RFX7: variants seen among roughly 807,000 people sequenced by gnomAD.
RFX7 encodes the protein regulatory factor X7.
In RFX7, 26 loss-of-function variants were observed where a neutral mutation model predicts 111.8. That is an observed-to-expected ratio of 0.23 (90% CI 0.17 to 0.32). The LOEUF is 0.32. Ranked by LOEUF, RFX7 falls within the 10% of genes least tolerant of loss-of-function variation. The probability of loss-of-function intolerance (pLI) is 1.00; values close to 1 mark genes in which losing one functional copy is unlikely to be tolerated. For synonymous variants in RFX7, 624 were observed against 624.4 expected (o/e 1.00, Z 0.01); for missense variants, 1,573 against 1,772.9 (o/e 0.89, Z 2.02).
At chr15:56,190,823 G>C (rs1299935309) in intron 2 of RFX7, among the ~76,000 whole-genome samples, 3 of 152,158 alleles carry the variant, frequency 2.0e-5, no homozygotes, top group Admixed American at 1.3e-4. Context: ...GGAAAAAAGG[G>C]GGTGAAACCC....
intron 3 of RFX7, among the ~76,000 whole-genome samples, chr15:56,155,295 C>T (rs1180121924): frequency 6.6e-6 from 1 of 151,984 alleles, no homozygotes; most frequent in East Asian, 1.9e-4. Flanking sequence ...AATCATTCTA[C>T]AATAAAGGCA....
intron 3 of RFX7, among the ~76,000 whole-genome samples, chr15:56,165,556 A>G (rs1218789122): frequency 6.6e-6 from 1 of 152,176 alleles, no homozygotes; most frequent in South Asian, 2.1e-4. Flanking sequence ...CTACCCTAGT[A>G]GAGCTGACTT....
chr15:56,202,813 A>G (rs1484000679), intron 2 of RFX7, among the ~76,000 whole-genome samples: 1 of 152,176 alleles, frequency 6.6e-6, no homozygotes, highest in African/African-American at 2.4e-5. Flanking sequence ...CCTTGTCTCT[A>G]AAAAAGAAAA....
chr15:56,180,143 A>G (rs2042953548), intron 2 of RFX7, among the ~76,000 whole-genome samples: 1 of 152,234 alleles, frequency 6.6e-6, no homozygotes, highest in Non-Finnish European at 1.5e-5. Context: ...AAAGTTATAA[A>G]GCCAAATATA....
chr15:56,208,019 T>C (rs2043272845), intron 2 of RFX7, among the ~76,000 whole-genome samples: 1 of 152,178 alleles, frequency 6.6e-6, no homozygotes, highest in Non-Finnish European at 1.5e-5. Flanking sequence ...AAGTCTGAGA[T>C]AAACTCCAGG....
Position 56,089,456 on chromosome 15 carries a change from A to G in RFX7, c.*3889T>C, listed in dbSNP as rs144307826. The G allele has an allele frequency of 1.3e-4, 20 of 152,504 alleles. No homozygotes were observed. The East Asian group carries it at 2.9e-3, about 22-fold the overall frequency. The allele number at this position is 152,504 out of a possible 1,614,324, so 9.4% of individuals were successfully genotyped here. On this transcript the variant is annotated 3_prime_UTR_variant, in exon 10 of 10. Transcript: ENST00000559447. ...CTATCTCCACTATTATTAAGCTAAA[A>G]GTAAGTGTCCTTATGGTTTAAGCCA...
intron 3 of RFX7, among the ~76,000 whole-genome samples, chr15:56,160,554 C>T (rs536572281): frequency 2.9e-4 from 44 of 152,006 alleles, no homozygotes; most frequent in African/African-American, 1.1e-3. Flanking sequence ...ACTAATTTTT[C>T]CCCCCTCAAG....
rs16976737 is a variant in RFX7 at position 56,091,600 on chromosome 15, C to G, written c.*1745G>C. On this transcript the variant is annotated 3_prime_UTR_variant, in exon 10 of 10. Transcript: ENST00000559447. ...CCATCATTTGTCAGGAGAAATCACA[C>G]AGTTTCCTTTGGGTATTGCATACTT... The G allele has an allele frequency of 0.064, 9,728 of 152,332 alleles. 418 individuals are homozygous for G. Among genetic ancestry groups the G allele is most frequent in the Admixed American group, 0.1 (1,594 of 15,270 alleles). 9.4% of individuals were successfully genotyped at this position (152,332 alleles called of 1,614,324 possible).
intron 2 of RFX7, among the ~76,000 whole-genome samples, chr15:56,182,178 T>C (rs2042981764): frequency 6.6e-6 from 1 of 152,164 alleles, no homozygotes; most frequent in African/African-American, 2.4e-5. Context: ...GTACTATAAA[T>C]GTAATGAGCT....
At chr15:56,174,229 G>A (rs2141117669) in intron 3 of RFX7, among the ~76,000 whole-genome samples, 2 of 152,218 alleles carry the variant, frequency 1.3e-5, no homozygotes, top group South Asian at 4.2e-4. Flanking sequence ...AGTGAGCTGA[G>A]ATTGTGCCAC....
At chr15:56,215,873 C>T (rs2043358585) in intron 2 of RFX7, among the ~76,000 whole-genome samples, 1 of 152,172 alleles carries the variant, frequency 6.6e-6, no homozygotes, top group Non-Finnish European at 1.5e-5. Flanking sequence ...AGGATATCAG[C>T]AGGAGCTGCA....
In RFX7 at chr15:56,095,349, A is replaced by C. The variant is rs2041658859; in HGVS notation, c.2379T>G (p.Ser793=). The change falls in exon 10 of 10, where the codon TCT becomes TCG. Residue 793 remains serine, a synonymous_variant. Coordinates refer to ENST00000559447, the MANE Select transcript of RFX7 (RefSeq NM_022841.7). ...QQITKDSEFI[S]ASCEQQQDIS... Reference sequence around the variant, plus strand: ...TATCTTGCTGTTGTTCACAACTGGCAGATATAAACTCAGAATCTTTAGTGA... The same window carrying C: ...TATCTTGCTGTTGTTCACAACTGGCCGATATAAACTCAGAATCTTTAGTGA... 6.2e-7 allele frequency: 1 copy of C among 1,613,940 alleles called. No homozygotes were observed.
chr15:56,147,828 C>T (rs931667152), intron 3 of RFX7, among the ~76,000 whole-genome samples: 4 of 152,240 alleles, frequency 2.6e-5, no homozygotes, highest in Non-Finnish European at 5.9e-5. Context: ...CTGCCTTGGC[C>T]TCCCAAAGTG....
intron 5 of RFX7, among the ~76,000 whole-genome samples, chr15:56,130,633 G>A (rs2042199487): frequency 6.6e-6 from 1 of 151,338 alleles, no homozygotes; most frequent in Non-Finnish European, 1.5e-5. Context: ...CATTTAAAGA[G>A]TAAGAAAAAA....
At chr15:56,165,290 T>G (rs1417666532) in intron 3 of RFX7, among the ~76,000 whole-genome samples, 1 of 152,178 alleles carries the variant, frequency 6.6e-6, no homozygotes, top group Non-Finnish European at 1.5e-5. Flanking sequence ...GTTTAAAACT[T>G]AAAATATACC....
rs758223974 is a variant in RFX7, at chr15:56,243,224, G to A, written c.62C>T (p.Pro21Leu). The change falls in exon 2 of 10, where the codon CCC (proline) becomes CTC (leucine). Residue 21 changes from proline to leucine, a missense_variant. Transcript: ENST00000559447. ...QQPDAHQQLP[P>L]SAPNSGVALP... Reference sequence around the variant, plus strand: ...GGCCACCCCCGAGTTGGGGGCGCTGGGGGGAAGCTGCTGATGGGCATCAGG... The same window carrying A: ...GGCCACCCCCGAGTTGGGGGCGCTGAGGGGAAGCTGCTGATGGGCATCAGG... 2.3e-6 allele frequency: 3 copies of A among 1,329,462 alleles called. No individual in the cohort carries two copies. The highest frequency in any genetic ancestry group is 3.0e-6 in the Non-Finnish European group (3 of 1,003,318). 82.4% of individuals were successfully genotyped at this position (1,329,462 alleles called of 1,614,324 possible).
chr15:56,243,075 G>T, intron 2 of RFX7, 50 bp downstream of exon 2: 4 of 1,050,548 alleles, frequency 3.8e-6, no homozygotes, highest in Non-Finnish European at 5.3e-6. Context: ...CCACTTTGCA[G>T]CAGAAATGTG....
chr15:56,222,331 C>T (rs1307949644), intron 2 of RFX7, among the ~76,000 whole-genome samples: 3 of 152,072 alleles, frequency 2.0e-5, no homozygotes, highest in Non-Finnish European at 2.9e-5. Context: ...TAATTGTACT[C>T]GTTGTGCTAC....
At position 56,218,144 on chromosome 15, in the gene RFX7, C is replaced by CTTTTTTT. The variant is rs869249448; in HGVS notation, c.161+24974_161+24980dup. Among the ~76,000 whole-genome samples, 202 of 57,978 alleles carry CTTTTTTT rather than the reference C, an allele frequency of 3.5e-3. 13 individuals are homozygous for CTTTTTTT. The highest frequency in any genetic ancestry group is 4.0e-3 in the African/African-American group (56 of 13,868). The allele number at this position is 57,978 out of a possible 152,430, so 38.0% of individuals were successfully genotyped here. The stretch of plus-strand genomic sequence containing the variant: ...TTACAAGTAATTTAGAAATGATTTT[C>CTTTTTTT]TTTTTTTTTTTTTTTTTTTTTTTTT... On this transcript the variant is annotated intron_variant, in intron 2 of 9. Transcript: ENST00000559447.
Sources: allele counts gnomAD v4.1 joint callset (sites outside exome capture counted in the v4.1 genomes callset), GRCh38; gene constraint gnomAD v4.1.1; transcripts MANE v1.5; gene names NCBI Gene and HGNC (gene_info 2026-07-23, HGNC 2026-07-21).